Variants in CREB3L2 observed in about 807,000 individuals in gnomAD.
CREB3L2 encodes the protein cAMP responsive element binding protein 3 like 2.
CREB3L2 carries 23 observed loss-of-function variants against 57.2 expected under a neutral mutation model. That is an observed-to-expected ratio of 0.40 (90% CI 0.29 to 0.57). CREB3L2 has a LOEUF of 0.57. CREB3L2 is among the 20% of genes least tolerant of loss of function. The pLI is 0.42. For synonymous variants in CREB3L2, 268 were observed against 265.1 expected, an observed-to-expected ratio of 1.01 and a Z score of -0.11; for missense variants, 628 against 634.7, an observed-to-expected ratio of 0.99 and a Z score of 0.11.
chr7:137,955,274 C>G, intron 1 of CREB3L2: 4 of 1,289,080 alleles, frequency 3.1e-6, no homozygotes, highest in Non-Finnish European at 4.0e-6. Context: ...TGTTCACAGA[C>G]AGTTTCTCTA....
intron 1 of CREB3L2, among the ~76,000 whole-genome samples, chr7:137,967,764 T>C (rs908297063): frequency 6.6e-6 from 1 of 152,140 alleles, no homozygotes; most frequent in African/African-American, 2.4e-5. Flanking sequence ...CTGCACTGCA[T>C]TCCTAAGATC....
intron 8 of CREB3L2, among the ~76,000 whole-genome samples, chr7:137,887,708 C>G (rs1409960156): frequency 6.8e-6 from 1 of 147,382 alleles, no homozygotes; most frequent in Non-Finnish European, 1.5e-5. Flanking sequence ...GATTCCGTCT[C>G]AAAGAAAAAA....
At chr7:137,952,921 G>A (rs1333153289) in intron 1 of CREB3L2, among the ~76,000 whole-genome samples, 11 of 152,180 alleles carry the variant, frequency 7.2e-5, no homozygotes, top group Admixed American at 5.9e-4. Flanking sequence ...GGGTTCCAGC[G>A]ATTCTCCTGC....
intron 1 of CREB3L2, among the ~76,000 whole-genome samples, chr7:137,979,728 AAAC>A (rs139819092): frequency 0.59 from 87,930 of 150,230 alleles, 27,165 homozygotes; most frequent in South Asian, 0.82. Flanking sequence ...TCCGTCTCAA[AAAC>A]AACAACAACA....
chr7:137,912,759 A>G, intron 4 of CREB3L2: 1 of 1,256,396 alleles, frequency 8.0e-7, no homozygotes, highest in African/African-American at 1.5e-5. Flanking sequence ...AAGTAAAAGT[A>G]TGGTAACACT....
chr7:137,946,924 T>TTA lies in CREB3L2; in HGVS notation c.103-18560_103-18559dup, dbSNP rs71177934. 1.8e-3 allele frequency among the ~76,000 whole-genome samples: 37 copies of TTA among 20,580 alleles called. 5 individuals are homozygous for TTA. Among genetic ancestry groups the TTA allele is most frequent in the South Asian group, 8.0e-3 (6 of 754 alleles). The allele number at this position is 20,580 out of a possible 152,430, so 13.5% of individuals were successfully genotyped here. A position where few individuals can be genotyped will look rare whatever the true frequency, so the allele number is the denominator to read the frequency against. On this transcript the variant is annotated intron_variant, in intron 1 of 11. Coordinates refer to ENST00000330387, the MANE Select transcript of CREB3L2 (RefSeq NM_194071.4). The stretch of plus-strand genomic sequence containing the variant: ...GTTATATATATAGTTATATATATAG[T>TTA]TATATATATAGTTATATATATAGTT...
intron 1 of CREB3L2, among the ~76,000 whole-genome samples, chr7:138,000,372 A>T (rs1234636150): frequency 6.6e-5 from 10 of 152,230 alleles, no homozygotes; most frequent in Admixed American, 6.5e-4. Context: ...CAAGCTCAGC[A>T]AGCAAAGCCC....
At chr7:137,973,956 G>A (rs996530598) in intron 1 of CREB3L2, among the ~76,000 whole-genome samples, 6 of 151,878 alleles carry the variant, frequency 4.0e-5, no homozygotes, top group Admixed American at 6.6e-5. Context: ...AATCTGGAAC[G>A]AGCCAAGACC....
At chr7:137,990,659 T>C (rs1801876718) in intron 1 of CREB3L2, among the ~76,000 whole-genome samples, 1 of 152,190 alleles carries the variant, frequency 6.6e-6, no homozygotes, top group African/African-American at 2.4e-5. Flanking sequence ...ACTCTATGAT[T>C]GGTAACCTTG....
At position 137,876,425 on chromosome 7, in the gene CREB3L2, T is replaced by C. The variant is rs1185571555; in HGVS notation, c.*4051A>G. The stretch of plus-strand genomic sequence containing the variant: ...AGCATTTGGGTCTTTTGAATAACTA[T>C]TATTAATGTTTCCTCAATCCCTTCT... On this transcript the variant is annotated 3_prime_UTR_variant, in exon 12 of 12. Transcript: ENST00000330387. 1 of 232,608 alleles carries C rather than the reference T, an allele frequency of 4.3e-6. No individual in the cohort carries two copies. The highest frequency in any genetic ancestry group is 8.5e-6 in the Non-Finnish European group (1 of 117,852). 14.4% of individuals were successfully genotyped at this position (232,608 alleles called of 1,614,324 possible).
chr7:137,925,493 C>T (rs933506266), intron 2 of CREB3L2, among the ~76,000 whole-genome samples: 1 of 152,194 alleles, frequency 6.6e-6, no homozygotes, highest in Non-Finnish European at 1.5e-5. Context: ...GCTGTCTATA[C>T]ATGCTACATA....
intron 1 of CREB3L2, among the ~76,000 whole-genome samples, chr7:137,986,848 G>GT (rs1219701139): frequency 6.6e-6 from 1 of 152,236 alleles, no homozygotes; most frequent in African/African-American, 2.4e-5. Flanking sequence ...AAACCAAATG[G>GT]TTTTTTGGCA....
At chr7:137,922,396 ATATATATATATATATATATG>A (rs1563253197) in intron 2 of CREB3L2, among the ~76,000 whole-genome samples, 361 of 18,858 alleles carry the variant, frequency 0.019, 6 homozygotes, top group African/African-American at 0.062. Flanking sequence ...ATATATATAT[ATATATATATATATATATATG>A]TATATATATA....
chr7:138,001,568 T>C lies in CREB3L2; in HGVS notation c.102+36A>G, dbSNP rs533390714. Reference sequence around the variant, plus strand: ...CCTCGCGTGACAACACTTGCCCGCTTTGAAAGCCCTCCTGCCCCGCCCGCC... The same window carrying C: ...CCTCGCGTGACAACACTTGCCCGCTCTGAAAGCCCTCCTGCCCCGCCCGCC... On this transcript the variant is annotated intron_variant, in intron 1 of 11. Transcript: ENST00000330387. This position sits in a 1 kb window ranked among gnomAD's most constrained non-coding sequence, Gnocchi z 4.2. 8.5e-6 allele frequency: 13 copies of C among 1,523,618 alleles called. No homozygotes were observed. In the East Asian group the frequency reaches 2.8e-4, roughly 32 times the overall value. 94.4% of individuals were successfully genotyped at this position (1,523,618 alleles called of 1,614,324 possible). A position where few individuals can be genotyped will look rare whatever the true frequency, so the allele number is the denominator to read the frequency against.
At chr7:137,993,786 C>T (rs1801940747) in intron 1 of CREB3L2, among the ~76,000 whole-genome samples, 1 of 152,202 alleles carries the variant, frequency 6.6e-6, no homozygotes, top group Admixed American at 6.5e-5. Context: ...ACTTACGATT[C>T]TCTGGGCATC....
chr7:138,000,518 C>T (rs1215002717), intron 1 of CREB3L2, among the ~76,000 whole-genome samples: 1 of 152,134 alleles, frequency 6.6e-6, no homozygotes, highest in Non-Finnish European at 1.5e-5. Context: ...CAGGGAGGCC[C>T]TCATTCCTTG....
In CREB3L2 at chr7:137,877,496, C is replaced by T. The variant is rs564544054; in HGVS notation, c.*2980G>A. 5 of 225,602 alleles carry T rather than the reference C, an allele frequency of 2.2e-5. No homozygotes were observed. Among genetic ancestry groups the T allele is most frequent in the East Asian group, 6.4e-5 (1 of 15,588 alleles). 14.0% of individuals were successfully genotyped at this position (225,602 alleles called of 1,614,324 possible). ...CAATATCCCTTTTTAAGTGCAAAGT[C>T]GAGGGCTGTGAAAAGAACCACGGTG... On this transcript the variant is annotated 3_prime_UTR_variant, in exon 12 of 12. Coordinates refer to ENST00000330387, the MANE Select transcript of CREB3L2 (RefSeq NM_194071.4).
intron 1 of CREB3L2, among the ~76,000 whole-genome samples, chr7:137,975,543 A>T (rs1801591492): frequency 1.3e-5 from 2 of 152,088 alleles, no homozygotes; most frequent in Admixed American, 1.3e-4. Flanking sequence ...TACTTCTTAA[A>T]AGCTTTAGAA....
chr7:137,952,126 C>T (rs1263683395), intron 1 of CREB3L2, among the ~76,000 whole-genome samples: 2 of 152,126 alleles, frequency 1.3e-5, no homozygotes, highest in Non-Finnish European at 2.9e-5. Context: ...AATTTACTCC[C>T]ATCCATTAAT....
Sources: allele counts gnomAD v4.1 joint callset (sites outside exome capture counted in the v4.1 genomes callset), GRCh38; gene constraint gnomAD v4.1.1; non-coding constraint Gnocchi (gnomAD v3.1); transcripts MANE v1.5; gene names NCBI Gene and HGNC (gene_info 2026-07-23, HGNC 2026-07-21).